The following TASP1 variants were observed in gnomAD, a reference collection of about 807,000 sequenced individuals.
TASP1 encodes the protein threonine aspartase 1.
Under a neutral mutation model 56.6 loss-of-function variants are expected in TASP1, and 16 were observed. The ratio of observed to expected loss-of-function variants is 0.28; its 90% CI spans 0.19 to 0.43. TASP1 has a LOEUF of 0.43. TASP1 is among the 20% of genes least tolerant of loss of function. The probability of loss-of-function intolerance (pLI) is 1.00; values close to 1 mark genes in which losing one functional copy is unlikely to be tolerated. For synonymous variants in TASP1, 179 were observed against 184.2 expected (o/e 0.97, Z 0.23); for missense variants, 393 against 511.6 (o/e 0.77, Z 2.24).
the TASP1 span, among the ~76,000 whole-genome samples, chr20:13,252,669 C>G: frequency 1.3e-5 from 2 of 152,022 alleles, no homozygotes; most frequent in Non-Finnish European, 2.9e-5. Flanking sequence ...GCAGGAGAAT[C>G]GCTTGAACAC....
intron 13 of TASP1, among the ~76,000 whole-genome samples, chr20:13,405,810 C>T (rs193229686): frequency 6.6e-6 from 1 of 151,904 alleles, no homozygotes; most frequent in Non-Finnish European, 1.5e-5. Context: ...CCCGCCTCAG[C>T]CTCCGAAAGT....
the TASP1 span, among the ~76,000 whole-genome samples, chr20:13,352,553 G>A: frequency 1.3e-3 from 191 of 152,210 alleles, 1 homozygote; most frequent in African/African-American, 4.3e-3. Flanking sequence ...TATTCCTTCA[G>A]CATATTACAT....
At chr20:13,109,740 G>T in the TASP1 span, among the ~76,000 whole-genome samples, 1 of 152,200 alleles carries the variant, frequency 6.6e-6, no homozygotes. Flanking sequence ...CACGATTGAT[G>T]AGTGGTATTA....
chr20:13,390,437 G>A lies in TASP1; in HGVS notation c.1186C>T (p.Leu396Phe), dbSNP rs2041229929. The A allele has an allele frequency of 6.2e-7, 1 of 1,613,770 alleles. No individual in the cohort carries two copies. Among genetic ancestry groups the A allele is most frequent in the African/African-American group, 1.3e-5 (1 of 75,040 alleles). The change falls in exon 14 of 14, where the codon CTT becomes TTT. Residue 396 changes from leucine (L) to phenylalanine (F), a missense_variant. Physicochemically the swap from Leu to Phe is conservative, Grantham distance 22. This residue lies in a region of TASP1 where 293 missense variants were observed against 354.2 expected (regional missense o/e 0.83). Coordinates refer to ENST00000337743, the MANE Select transcript of TASP1 (RefSeq NM_017714.3). ...DGKAKTHISR[L>F]PPGAVAGQSV... Reference sequence around the variant, plus strand: ...TGTCCTGCCACCGCACCAGGAGGAAGTCTTGAAATGTGAGTCTGCAGAGAG... The same window carrying A: ...TGTCCTGCCACCGCACCAGGAGGAAATCTTGAAATGTGAGTCTGCAGAGAG...
In TASP1 at chr20:13,559,098, T is replaced by C. The variant is rs368464350; in HGVS notation, c.585A>G (p.Ala195=). The change falls in exon 8 of 14, where the codon GCA becomes GCG. Residue 195 remains alanine, a synonymous_variant. Transcript: ENST00000337743. ...CTAGTTTCCTCTTGTTTCTTTTAAA[T>C]GCAGCTAAACTGAATCCTATAAAAT... ...NIMTTRFSLA[A]FKRNKRKLEL... The C allele has an allele frequency of 2.8e-5, 45 of 1,580,120 alleles. No homozygotes were observed. In the African/African-American group the frequency reaches 3.5e-4, roughly 12 times the overall value.
At chr20:13,260,866 T>C in the TASP1 span, among the ~76,000 whole-genome samples, 1 of 152,210 alleles carries the variant, frequency 6.6e-6, no homozygotes, top group Non-Finnish European at 1.5e-5. Flanking sequence ...GCAGGGTGGC[T>C]CTCATAGCCT....
At chr20:13,571,152 T>G (rs2046699244) in intron 6 of TASP1, among the ~76,000 whole-genome samples, 1 of 152,218 alleles carries the variant, frequency 6.6e-6, no homozygotes, top group African/African-American at 2.4e-5. Context: ...ATTTAAGTTT[T>G]TAAATACTTC....
At chr20:13,200,852 G>A in the TASP1 span, among the ~76,000 whole-genome samples, 1 of 152,194 alleles carries the variant, frequency 6.6e-6, no homozygotes, top group South Asian at 2.1e-4. Context: ...ATAATTACAT[G>A]CATTTTCAAA....
the TASP1 span, among the ~76,000 whole-genome samples, chr20:13,129,990 C>T: frequency 6.6e-6 from 1 of 150,482 alleles, no homozygotes; most frequent in Non-Finnish European, 1.5e-5. Flanking sequence ...TTTTTAGAGG[C>T]AAAATAGGAG....
the TASP1 span, among the ~76,000 whole-genome samples, chr20:13,222,427 C>T: frequency 1.2e-4 from 18 of 152,156 alleles, no homozygotes; most frequent in East Asian, 2.9e-3. Context: ...AGCCAGGCAT[C>T]CCCTCCTCAC....
At chr20:13,507,699 T>C (rs1251850333) in intron 10 of TASP1, among the ~76,000 whole-genome samples, 2 of 152,168 alleles carry the variant, frequency 1.3e-5, no homozygotes, top group African/African-American at 4.8e-5. Context: ...AAAATTTCAA[T>C]GATGTTTTTC....
intron 11 of TASP1, among the ~76,000 whole-genome samples, chr20:13,437,098 A>C (rs2043031629): frequency 6.6e-6 from 1 of 152,100 alleles, no homozygotes; most frequent in South Asian, 2.1e-4. Context: ...ACATCGATGC[A>C]AAAATCCTCA....
At chr20:13,318,454 G>C in the TASP1 span, among the ~76,000 whole-genome samples, 1 of 152,146 alleles carries the variant, frequency 6.6e-6, no homozygotes. Context: ...GCTTACCATA[G>C]GATCCAACAA....
At chr20:13,490,511 C>A (rs2043486602) in intron 10 of TASP1, among the ~76,000 whole-genome samples, 1 of 152,174 alleles carries the variant, frequency 6.6e-6, no homozygotes, top group African/African-American at 2.4e-5. Context: ...GCCATTATTT[C>A]TCTAGTGGAT....
At chr20:13,239,983 C>G in the TASP1 span, among the ~76,000 whole-genome samples, 1 of 152,208 alleles carries the variant, frequency 6.6e-6, no homozygotes, top group Non-Finnish European at 1.5e-5. Flanking sequence ...GATCCTGCTA[C>G]ATGGTGGTTG....
chr20:13,561,671 T>G (rs953728902), intron 7 of TASP1, among the ~76,000 whole-genome samples: 1 of 152,148 alleles, frequency 6.6e-6, no homozygotes, highest in African/African-American at 2.4e-5. Context: ...CTAGCTTATT[T>G]TCTACATGAT....
At chr20:13,412,314 T>A (rs954148389) in intron 13 of TASP1, among the ~76,000 whole-genome samples, 1 of 152,228 alleles carries the variant, frequency 6.6e-6, no homozygotes, top group Admixed American at 6.5e-5. Flanking sequence ...CTCCTCCTGC[T>A]GCTCTGCCAG....
At chr20:13,519,571 AC>A (rs1317786839) in intron 10 of TASP1, among the ~76,000 whole-genome samples, 2 of 152,222 alleles carry the variant, frequency 1.3e-5, no homozygotes, top group South Asian at 2.1e-4. Context: ...AAATTCAACA[AC>A]CCTTCATGCT....
intron 4 of TASP1, among the ~76,000 whole-genome samples, chr20:13,623,044 C>T (rs2048770689): frequency 6.6e-6 from 1 of 152,190 alleles, no homozygotes; most frequent in African/African-American, 2.4e-5. Context: ...ATATATCTAA[C>T]TGTTAGGTTC....
Sources: allele counts gnomAD v4.1 joint callset (sites outside exome capture counted in the v4.1 genomes callset), GRCh38; gene constraint gnomAD v4.1.1; regional missense constraint gnomAD v4.1.1; transcripts MANE v1.5; gene names NCBI Gene and HGNC (gene_info 2026-07-23, HGNC 2026-07-21).